Variants in FOCAD observed in about 807,000 individuals in gnomAD.
The protein encoded by FOCAD is focadhesin, also known as KIAA1797.
In FOCAD, 198 loss-of-function variants were observed where a neutral mutation model predicts 225.6. That is an observed-to-expected ratio of 0.88 (90% CI 0.78 to 0.99). FOCAD has a LOEUF of 0.99. Among genes scored for constraint, FOCAD ranks in the 50% least tolerant of loss-of-function variants. The pLI is 0.00. For synonymous variants in FOCAD, 897 were observed against 755.0 expected (o/e 1.19, Z -3.08); for missense variants, 2,713 against 2,123.6 (o/e 1.28, Z -5.46).
chr9:20,797,523 G>A (rs1003369493), intron 11 of FOCAD, among the ~76,000 whole-genome samples: 1 of 152,002 alleles, frequency 6.6e-6, no homozygotes, highest in African/African-American at 2.4e-5. Flanking sequence ...TCCTTGAAGA[G>A]GTCCTTCACA....
Position 20,907,247 on chromosome 9 carries a change from T to G in FOCAD, c.2718+5T>G. On this transcript the variant is annotated splice_donor_5th_base_variant and intron_variant, in intron 22 of 43. Transcript: ENST00000338382. ...GCTTATCATGCCATTTTACAGGTAA[T>G]GAAACCACAGGATAGGTTTGCTTTG... 2 of 1,611,694 alleles carry G rather than the reference T, an allele frequency of 1.2e-6. No individual in the cohort carries two copies.
chr9:20,887,380 A>T (rs902628353), intron 21 of FOCAD, among the ~76,000 whole-genome samples: 2 of 151,908 alleles, frequency 1.3e-5, no homozygotes, highest in Non-Finnish European at 2.9e-5. Context: ...GATTACAGGC[A>T]TGCGCCACCA....
At chr9:20,768,998 C>T (rs933476736) in intron 7 of FOCAD, among the ~76,000 whole-genome samples, 7 of 151,986 alleles carry the variant, frequency 4.6e-5, no homozygotes, top group Non-Finnish European at 8.8e-5. Context: ...TAGAAATGTA[C>T]ACATAAATGC....
intron 21 of FOCAD, among the ~76,000 whole-genome samples, chr9:20,900,802 A>G (rs752993997): frequency 1.3e-5 from 2 of 151,936 alleles, no homozygotes; most frequent in African/African-American, 4.8e-5. Context: ...AAATAACAGA[A>G]TAAATGGTTG....
rs1461210355 is a variant in FOCAD, at chr9:20,907,072, G to T, written c.2626-78G>T. 17 of 1,137,120 alleles carry T rather than the reference G, an allele frequency of 1.5e-5. 1 individual carries two copies. The highest frequency in any genetic ancestry group is 2.4e-5 in the East Asian group (1 of 41,856). 70.4% of individuals were successfully genotyped at this position (1,137,120 alleles called of 1,614,324 possible). A position where few individuals can be genotyped will look rare whatever the true frequency, so the allele number is the denominator to read the frequency against. ...ATCTAAACCACTTAAGGAAAAGAAA[G>T]AACTGATGAAACAGTTTTAATTTTA... On this transcript the variant is annotated intron_variant, in intron 21 of 43. Coordinates refer to ENST00000338382, the MANE Select transcript of FOCAD (RefSeq NM_001375567.1).
chr9:20,802,489 G>T (rs1305268562), intron 11 of FOCAD, among the ~76,000 whole-genome samples: 2 of 152,070 alleles, frequency 1.3e-5, no homozygotes, highest in Non-Finnish European at 2.9e-5. Context: ...ATTTCTCAAG[G>T]GAAACCATGT....
intron 7 of FOCAD, among the ~76,000 whole-genome samples, chr9:20,769,683 T>C (rs1817990242): frequency 6.6e-6 from 1 of 152,118 alleles, no homozygotes; most frequent in African/African-American, 2.4e-5. Flanking sequence ...GAAATGAGAG[T>C]TCATTTGGAG....
At chr9:20,903,947 ACTAAT>A in intron 21 of FOCAD, among the ~76,000 whole-genome samples, 1 of 151,710 alleles carries the variant, frequency 6.6e-6, no homozygotes, top group East Asian at 1.9e-4. Flanking sequence ...CCCGGCAGCT[ACTAAT>A]CTACTTTCTG....
intron 40 of FOCAD, 128 bp downstream of exon 40, chr9:20,986,593 G>C (rs1841195010): frequency 1.4e-6 from 1 of 691,874 alleles, no homozygotes; most frequent in African/African-American, 1.8e-5. Context: ...GCCTTCTGGT[G>C]CCAAATGAGG....
intron 11 of FOCAD, among the ~76,000 whole-genome samples, chr9:20,815,123 G>GGTTTTTTTTT (rs796702774): frequency 0.024 from 2,019 of 85,196 alleles, 297 homozygotes; most frequent in Non-Finnish European, 0.027. Flanking sequence ...ACTTCTCTTT[G>GGTTTTTTTTT]TTTTTTTTTT....
At chr9:20,815,620 C>G (rs1266485127) in intron 11 of FOCAD, among the ~76,000 whole-genome samples, 1 of 151,974 alleles carries the variant, frequency 6.6e-6, no homozygotes, top group Non-Finnish European at 1.5e-5. Flanking sequence ...TAGGGGCTCC[C>G]TTAACAGTCC....
chr9:20,748,088 C>T (rs1245222793), intron 5 of FOCAD, among the ~76,000 whole-genome samples: 1 of 151,822 alleles, frequency 6.6e-6, no homozygotes, highest in Non-Finnish European at 1.5e-5. Context: ...GAATATATTA[C>T]CTGAAGGGAT....
Position 20,736,749 on chromosome 9 carries a change from C to T in FOCAD, c.288-3487C>T, listed in dbSNP as rs141179955. On this transcript the variant is annotated intron_variant, in intron 4 of 43. Coordinates refer to ENST00000338382, the MANE Select transcript of FOCAD (RefSeq NM_001375567.1). ...TACTATTCTTTATTTTTTAAAACAACGTAAGAGATGGGCTTATTATGATTT... is the reference window on the plus strand; with the variant it reads ...TACTATTCTTTATTTTTTAAAACAATGTAAGAGATGGGCTTATTATGATTT... 5.6e-3 allele frequency among the ~76,000 whole-genome samples: 859 copies of T among 152,046 alleles called. 2 individuals are homozygous for T. Among genetic ancestry groups the T allele is most frequent in the Non-Finnish European group, 9.7e-3 (658 of 67,956 alleles).
At position 20,667,572 on chromosome 9, in the gene FOCAD, A is replaced by C. The variant is rs969440513; in HGVS notation, c.-78+8746A>C. Reference sequence around the variant, plus strand: ...GAATCTTTCTTTCTAATGCTGCAATATTAGCCTGGGGTTCAGGAACATCCC... The same window carrying C: ...GAATCTTTCTTTCTAATGCTGCAATCTTAGCCTGGGGTTCAGGAACATCCC... On this transcript the variant is annotated intron_variant, in intron 2 of 45. Transcript: ENST00000380249. 1.3e-4 allele frequency among the ~76,000 whole-genome samples: 20 copies of C among 152,212 alleles called. 1 individual carries two copies. Among genetic ancestry groups the C allele is most frequent in the African/African-American group, 4.8e-4 (20 of 41,450 alleles).
Position 20,932,998 on chromosome 9 carries a change from C to G in FOCAD, c.3318-16C>G, listed in dbSNP as rs1835626011. The G allele has an allele frequency of 6.3e-7, 1 of 1,585,770 alleles. No homozygotes were observed. Among genetic ancestry groups the G allele is most frequent in the Non-Finnish European group, 8.7e-7 (1 of 1,154,866 alleles). On this transcript the variant is annotated splice_polypyrimidine_tract_variant and intron_variant, in intron 27 of 43. Coordinates refer to ENST00000338382, the MANE Select transcript of FOCAD (RefSeq NM_001375567.1). Reference sequence around the variant, plus strand: ...AATTTTAAATAATTCATTGTTTCCCCTTGATCTTTAACCAGTGATATATCT... The same window carrying G: ...AATTTTAAATAATTCATTGTTTCCCGTTGATCTTTAACCAGTGATATATCT...
chr9:20,829,101 G>A lies in FOCAD; in HGVS notation c.1920+5986G>A, dbSNP rs546865544. ...GTGAATAGTGCTGCCATGAATATAC[G>A]TGCGCATGTGTCTTTGTAATAGAAT... On this transcript the variant is annotated intron_variant, in intron 15 of 43. Coordinates refer to ENST00000338382, the MANE Select transcript of FOCAD (RefSeq NM_001375567.1). Among the ~76,000 whole-genome samples the A allele has an allele frequency of 1.8e-4, 28 of 152,060 alleles. No homozygotes were observed. In the South Asian group the frequency reaches 4.4e-3, roughly 24 times the overall value.
In FOCAD at chr9:20,981,465, T is replaced by C. The variant is rs1840692947; in HGVS notation, c.4417T>C (p.Trp1473Arg). The change falls in exon 38 of 44, where the codon TGG (tryptophan) becomes CGG (arginine). Residue 1473 changes from tryptophan (W) to arginine (R), a missense_variant. Coordinates refer to ENST00000338382, the MANE Select transcript of FOCAD (RefSeq NM_001375567.1). ...KRYLLISAPL[W>R]IKHISDEQIL... The stretch of plus-strand genomic sequence containing the variant: ...ATATCTCCTGATATCTGCACCTCTG[T>C]GGATAAAACACATCTCTGATGAACA... 1.2e-6 allele frequency: 2 copies of C among 1,614,042 alleles called. No homozygotes were observed. The highest frequency in any genetic ancestry group is 1.7e-6 in the Non-Finnish European group (2 of 1,180,006).
chr9:20,665,577 G>C (rs1458873748), intron 2 of FOCAD, among the ~76,000 whole-genome samples: 4 of 152,146 alleles, frequency 2.6e-5, no homozygotes, highest in African/African-American at 4.8e-5. Context: ...AGAAATATGA[G>C]AGTAAAAGGA....
intron 21 of FOCAD, among the ~76,000 whole-genome samples, chr9:20,891,224 G>A (rs1831587343): frequency 6.6e-6 from 1 of 151,984 alleles, no homozygotes; most frequent in African/African-American, 2.4e-5. Context: ...CCCCCCAATT[G>A]GGCCTCCCTA....
Sources: gnomAD v4.1 joint callset for allele counts (sites outside exome capture counted in the v4.1 genomes callset) on GRCh38, gnomAD v4.1.1 for gene constraint, MANE v1.5 for transcripts, NCBI Gene and HGNC (gene_info 2026-07-23, HGNC 2026-07-21) for gene names.